The following GRAMD1B variants were observed in gnomAD, a reference collection of about 807,000 sequenced individuals.
GRAMD1B encodes GRAM domain containing 1B, also known as protein Aster-B.
Under a neutral mutation model 99.7 loss-of-function variants are expected in GRAMD1B, and 37 were observed. The observed-to-expected ratio is 0.37, with a 90% CI of 0.29 to 0.49. The LOEUF (loss-of-function observed/expected upper bound fraction) is 0.49, where lower values mean the gene tolerates loss of function less well. Ranked by LOEUF, GRAMD1B falls within the 20% of genes least tolerant of loss-of-function variation. The probability of loss-of-function intolerance (pLI) is 0.98; values close to 1 mark genes in which losing one functional copy is unlikely to be tolerated. For synonymous variants in GRAMD1B, 427 were observed against 387.6 expected (o/e 1.10, Z -1.19); for missense variants, 888 against 1,009.2 (o/e 0.88, Z 1.63).
At chr11:123,386,784 G>A (rs1182909344) in intron 1 of GRAMD1B, among the ~76,000 whole-genome samples, 4 of 152,160 alleles carry the variant, frequency 2.6e-5, no homozygotes, top group Admixed American at 2.6e-4. Flanking sequence ...ACAGAAAGCT[G>A]CCCAGTCCCC....
chr11:123,494,286 A>C (rs1320627062), intron 2 of GRAMD1B, among the ~76,000 whole-genome samples: 3 of 152,162 alleles, frequency 2.0e-5, no homozygotes, highest in African/African-American at 7.2e-5. Flanking sequence ...CACATCTATT[A>C]ACCTTTTTAA....
intron 1 of GRAMD1B, among the ~76,000 whole-genome samples, chr11:123,417,886 C>T (rs1261285715): frequency 6.6e-6 from 1 of 151,980 alleles, no homozygotes; most frequent in Non-Finnish European, 1.5e-5. Flanking sequence ...AGTGAGCAAC[C>T]TGTAGCTGTG....
At chr11:123,382,304 CCTAA>C (rs1946905373) in intron 1 of GRAMD1B, among the ~76,000 whole-genome samples, 1 of 152,164 alleles carries the variant, frequency 6.6e-6, no homozygotes, top group Admixed American at 6.5e-5. Context: ...TGAACCTGAG[CCTAA>C]CTGTGGATTT....
At position 123,618,597 on chromosome 11, in the gene GRAMD1B, CCA is replaced by C. The variant is rs979249209; in HGVS notation, c.2319-94_2319-93del. The stretch of plus-strand genomic sequence containing the variant: ...CACTCACTGCAATGCTTTGGATGGC[CCA>C]CCGGTCAGGGACAGCAGCCTCTGGG... On this transcript the variant is annotated intron_variant, in intron 17 of 19. Coordinates refer to ENST00000635736, the MANE Select transcript of GRAMD1B (RefSeq NM_001387025.1). 6 of 832,078 alleles carry C rather than the reference CCA, an allele frequency of 7.2e-6. No homozygotes were observed. In the African/African-American group the frequency reaches 1.0e-4, roughly 14 times the overall value. The allele number at this position is 832,078 out of a possible 1,614,324, so 51.5% of individuals were successfully genotyped here.
chr11:123,510,995 GT>G lies in GRAMD1B; in HGVS notation c.452+30103del, dbSNP rs1329817032. On this transcript the variant is annotated intron_variant, in intron 2 of 19. Coordinates refer to ENST00000635736, the MANE Select transcript of GRAMD1B (RefSeq NM_001387025.1). The surrounding 1 kb of genome is among the most constrained non-coding windows in gnomAD (Gnocchi z 4.3). ...AGCTTTCATCTGCACTCACTTATAT[GT>G]CCGTTGTTTTCTTTAGCCTTGCCCT... Among the ~76,000 whole-genome samples the G allele has an allele frequency of 1.3e-5, 2 of 152,162 alleles. No individual in the cohort carries two copies. Among genetic ancestry groups the G allele is most frequent in the Non-Finnish European group, 2.9e-5 (2 of 68,016 alleles).
chr11:123,437,895 GC>G (rs1949234136), intron 1 of GRAMD1B, among the ~76,000 whole-genome samples: 1 of 152,168 alleles, frequency 6.6e-6, no homozygotes. Context: ...CTCCCCCTCA[GC>G]CCCCGTCACT....
chr11:123,560,319 CAGAG>C (rs201601465), intron 2 of GRAMD1B: 4 of 1,145,192 alleles, frequency 3.5e-6, no homozygotes, highest in African/African-American at 3.2e-5. Flanking sequence ...GGGAGCCAGG[CAGAG>C]AGAGAGAGGG....
chr11:123,371,261 G>T lies in GRAMD1B; in HGVS notation c.-176+12462G>T, dbSNP rs555117264. On this transcript the variant is annotated intron_variant, in intron 1 of 20. Coordinates refer to the GRAMD1B transcript ENST00000638157. ...CAGGTTGGGTAATCCCCACCATCTT[G>T]GATTAGTTAGTGTGGGCCTCTCTGG... Among the ~76,000 whole-genome samples the T allele has an allele frequency of 2.0e-4, 31 of 152,122 alleles. No individual in the cohort carries two copies. The East Asian group carries it at 4.1e-3, about 20-fold the overall frequency.
chr11:123,452,773 T>G (rs1949945687), intron 1 of GRAMD1B, among the ~76,000 whole-genome samples: 1 of 152,232 alleles, frequency 6.6e-6, no homozygotes, highest in Non-Finnish European at 1.5e-5. Context: ...TGTCTGGGGC[T>G]TTGCTCACTA....
chr11:123,425,296 T>C (rs1259045068), upstream of GRAMD1B, among the ~76,000 whole-genome samples: 2 of 152,150 alleles, frequency 1.3e-5, no homozygotes, highest in Admixed American at 1.3e-4. Context: ...ACAGCAGAAA[T>C]TCCAGCACAT....
At chr11:123,363,082 A>C (rs1565449236) in intron 1 of GRAMD1B, among the ~76,000 whole-genome samples, 1 of 151,970 alleles carries the variant, frequency 6.6e-6, no homozygotes, top group Non-Finnish European at 1.5e-5. Context: ...GCAGAAGATA[A>C]GTGAAAGCAG....
At chr11:123,371,723 C>G (rs1180233871) in intron 1 of GRAMD1B, among the ~76,000 whole-genome samples, 1 of 152,234 alleles carries the variant, frequency 6.6e-6, no homozygotes, top group African/African-American at 2.4e-5. Context: ...AAGGATCTTT[C>G]TGTCATGCAG....
At chr11:123,604,319 A>G (rs73029850) in intron 9 of GRAMD1B, among the ~76,000 whole-genome samples, 1 of 152,238 alleles carries the variant, frequency 6.6e-6, no homozygotes, top group Non-Finnish European at 1.5e-5. Flanking sequence ...GCACTCAGTG[A>G]GGGAAAGAAG....
rs10893053 is a variant in GRAMD1B at position 123,610,273 on chromosome 11, T to G, written c.1854T>G (p.His618Gln). 1 of 1,613,688 alleles carries G rather than the reference T, an allele frequency of 6.2e-7. No individual in the cohort carries two copies. The highest frequency in any genetic ancestry group is 8.5e-7 in the Non-Finnish European group (1 of 1,179,718). ...AEVLTHDVPY[H>Q]DYFYTINRYT... The stretch of plus-strand genomic sequence containing the variant: ...TCCTCACCCACGACGTGCCCTACCA[T>G]GACTACTTCTACACAATCAATCGCT... Residue 618 changes from histidine to glutamine, a missense_variant, in exon 14 of 20, where the codon CAT (histidine) becomes CAG (glutamine). Coordinates refer to ENST00000635736, the MANE Select transcript of GRAMD1B (RefSeq NM_001387025.1). This position sits in a 1 kb window ranked among gnomAD's most constrained non-coding sequence, Gnocchi z 4.1.
At chr11:123,614,863 G>T (rs1198933408) in intron 17 of GRAMD1B, 28 bp downstream of exon 17, 3 of 1,338,126 alleles carry the variant, frequency 2.2e-6, no homozygotes, top group Non-Finnish European at 3.2e-6. Context: ...TTCCTATCCT[G>T]CCCTCACCAC....
chr11:123,435,746 G>A, intron 1 of GRAMD1B: 1 of 341,274 alleles, frequency 2.9e-6, no homozygotes, highest in East Asian at 4.5e-5. Flanking sequence ...CATGAGTGTG[G>A]GAAAATTTCC....
At chr11:123,476,225 C>T (rs911830786) in intron 1 of GRAMD1B, among the ~76,000 whole-genome samples, 6 of 152,106 alleles carry the variant, frequency 3.9e-5, no homozygotes, top group East Asian at 1.9e-4. Flanking sequence ...CTCAACTTCC[C>T]GAGTAGCTGG....
At chr11:123,403,452 ATAATAAT>A (rs1330676449) in intron 1 of GRAMD1B, among the ~76,000 whole-genome samples, 47 of 49,458 alleles carry the variant, frequency 9.5e-4, no homozygotes, top group African/African-American at 4.5e-3. Context: ...GATGATGATA[ATAATAAT>A]AATAATAATA....
At chr11:123,601,338 T>A (rs1592221130) in intron 8 of GRAMD1B, among the ~76,000 whole-genome samples, 1 of 151,938 alleles carries the variant, frequency 6.6e-6, no homozygotes, top group East Asian at 1.9e-4. Context: ...TGAGCTGTGA[T>A]TGCGCCACTG....
Sources: gnomAD v4.1 joint callset for allele counts (sites outside exome capture counted in the v4.1 genomes callset) on GRCh38, gnomAD v4.1.1 for gene constraint, Gnocchi (gnomAD v3.1) non-coding constraint, MANE v1.5 for transcripts, NCBI Gene and HGNC (gene_info 2026-07-23, HGNC 2026-07-21) for gene names.